NGEF: variants seen among roughly 807,000 people sequenced by gnomAD.
The protein encoded by NGEF is ephexin-1.
A neutral mutation model predicts 80.9 loss-of-function variants in NGEF; 31 were observed. The observed-to-expected ratio is 0.38, with a 90% CI of 0.29 to 0.52. The LOEUF is 0.52. Among genes scored for constraint, NGEF ranks in the 20% least tolerant of loss-of-function variants. NGEF has a pLI of 0.84. For synonymous variants in NGEF, 371 were observed against 370.2 expected, an observed-to-expected ratio of 1.00 and a Z score of -0.03; for missense variants, 709 against 926.2, an observed-to-expected ratio of 0.77 and a Z score of 3.04.
At chr2:233,004,795 A>C in intron 1 of NGEF, among the ~76,000 whole-genome samples, 1 of 148,884 alleles carries the variant, frequency 6.7e-6, no homozygotes, top group Non-Finnish European at 1.5e-5. Context: ...TCCCTTCCTC[A>C]TCCTGCTGGG....
At chr2:232,899,634 A>G (rs1692213891) in intron 5 of NGEF, among the ~76,000 whole-genome samples, 1 of 143,166 alleles carries the variant, frequency 7.0e-6, no homozygotes, top group South Asian at 2.3e-4. Flanking sequence ...TCTCACAGTC[A>G]CTCATATACA....
chr2:232,880,044 G>A (rs539277024), intron 14 of NGEF, among the ~76,000 whole-genome samples: 229 of 152,258 alleles, frequency 1.5e-3, no homozygotes, highest in Middle Eastern at 3.4e-3. Flanking sequence ...GGTGGCAGCC[G>A]AGCACGTGGT....
In NGEF at chr2:232,888,113, C is replaced by T; in HGVS notation, c.1273-6G>A. 1 of 1,582,166 alleles carries T rather than the reference C, an allele frequency of 6.3e-7. No individual in the cohort carries two copies. Among genetic ancestry groups the T allele is most frequent in the Non-Finnish European group, 8.6e-7 (1 of 1,168,006 alleles). On this transcript the variant is annotated splice_region_variant and splice_polypyrimidine_tract_variant and intron_variant, in intron 8 of 14. Coordinates refer to ENST00000264051, the MANE Select transcript of NGEF (RefSeq NM_019850.3). Reference sequence around the variant, plus strand: ...TCTACCCTCTTCAGGATGTTCTATGCACAGAGAAAGGCTGCGTTAACTTTA... The same window carrying T: ...TCTACCCTCTTCAGGATGTTCTATGTACAGAGAAAGGCTGCGTTAACTTTA...
chr2:232,960,175 T>G (rs908183220), intron 3 of NGEF, among the ~76,000 whole-genome samples: 9 of 152,236 alleles, frequency 5.9e-5, no homozygotes, highest in Non-Finnish European at 1.2e-4. Context: ...CCCCACATAT[T>G]TTAGATGTAG....
At chr2:232,894,201 C>T (rs1691982176) in intron 6 of NGEF, among the ~76,000 whole-genome samples, 1 of 152,214 alleles carries the variant, frequency 6.6e-6, no homozygotes, top group Non-Finnish European at 1.5e-5. Context: ...TCTGTCTACT[C>T]TTCCTCCGCT....
intron 3 of NGEF, among the ~76,000 whole-genome samples, chr2:232,967,417 C>T (rs1477760822): frequency 1.3e-5 from 2 of 152,132 alleles, no homozygotes; most frequent in East Asian, 1.9e-4. Flanking sequence ...TCACTGCAAC[C>T]TCCGCCTCCT....
chr2:232,973,659 G>T (rs1370695559), intron 2 of NGEF, among the ~76,000 whole-genome samples: 1 of 152,212 alleles, frequency 6.6e-6, no homozygotes, highest in African/African-American at 2.4e-5. Flanking sequence ...CCAGTTCACA[G>T]ACCACCAGAG....
At chr2:233,011,905 C>T (rs1055686854) in intron 1 of NGEF, among the ~76,000 whole-genome samples, 1 of 152,132 alleles carries the variant, frequency 6.6e-6, no homozygotes, top group African/African-American at 2.4e-5. Flanking sequence ...ACAATTTGGG[C>T]TCCAGAAAGG....
chr2:232,906,996 G>C (rs1338344778), intron 5 of NGEF, among the ~76,000 whole-genome samples: 137 of 146,156 alleles, frequency 9.4e-4, no homozygotes, highest in African/African-American at 2.5e-3. Context: ...TGCTCGTTAA[G>C]AGTCATCACC....
chr2:232,980,737 G>A (rs1694396455), intron 1 of NGEF, among the ~76,000 whole-genome samples: 1 of 152,088 alleles, frequency 6.6e-6, no homozygotes, highest in South Asian at 2.1e-4. Context: ...GACCTCAAGT[G>A]ATCCACCCAC....
chr2:232,879,422 C>CT lies in NGEF; in HGVS notation c.*66_*67insA. On this transcript the variant is annotated 3_prime_UTR_variant, in exon 15 of 15. Transcript: ENST00000264051. The stretch of plus-strand genomic sequence containing the variant: ...GGTGCTGGCCTGTGCTTCCCAGAGC[C>CT]CCCCCCCCCCCACCTTCTGTCGGGG... 1 of 205,054 alleles carries CT rather than the reference C, an allele frequency of 4.9e-6. No individual in the cohort carries two copies. The highest frequency in any genetic ancestry group is 5.2e-5 in the South Asian group (1 of 19,304). 12.7% of individuals were successfully genotyped at this position (205,054 alleles called of 1,614,324 possible).
intron 2 of NGEF, among the ~76,000 whole-genome samples, chr2:232,971,084 G>A (rs892414622): frequency 6.6e-6 from 1 of 152,146 alleles, no homozygotes; most frequent in African/African-American, 2.4e-5. Context: ...CCGGGGGTGG[G>A]ATTTTTAGGC....
chr2:232,905,355 C>T (rs570288522), intron 5 of NGEF, among the ~76,000 whole-genome samples: 20 of 152,288 alleles, frequency 1.3e-4, no homozygotes, highest in African/African-American at 4.1e-4. Context: ...CCGCCAGCCT[C>T]GGCCTCCCGA....
chr2:232,920,656 AAGG>A, intron 4 of NGEF, 71 bp from the exon 5 acceptor site: 1 of 1,431,574 alleles, frequency 7.0e-7, no homozygotes, highest in Non-Finnish European at 9.4e-7. Context: ...TCCCTAAGTC[AAGG>A]CTTCGTGTTC....
chr2:232,997,096 G>A (rs1419582473), intron 1 of NGEF, among the ~76,000 whole-genome samples: 1 of 152,142 alleles, frequency 6.6e-6, no homozygotes, highest in Non-Finnish European at 1.5e-5. Context: ...CTTGTAGGTG[G>A]TTTGCTCTCA....
chr2:232,928,224 C>T, intron 3 of NGEF: 2 of 944,500 alleles, frequency 2.1e-6, no homozygotes, highest in African/African-American at 1.8e-5. Flanking sequence ...GGGGCGCGCG[C>T]GGCGGGGGCG....
At chr2:232,984,087 C>T (rs1015040667) in intron 1 of NGEF, among the ~76,000 whole-genome samples, 1 of 152,130 alleles carries the variant, frequency 6.6e-6, no homozygotes, top group African/African-American at 2.4e-5. Flanking sequence ...ACAGAAATCA[C>T]TGAAATTAAT....
At chr2:232,948,570 T>C (rs1489648293) in intron 3 of NGEF, among the ~76,000 whole-genome samples, 3 of 152,182 alleles carry the variant, frequency 2.0e-5, no homozygotes, top group African/African-American at 7.2e-5. Flanking sequence ...GAGGAGTTAA[T>C]AGATTTTTGA....
In NGEF at chr2:232,986,886, A is replaced by T. The variant is rs573974347; in HGVS notation, c.-74-11922T>A. Among the ~76,000 whole-genome samples the T allele has an allele frequency of 3.3e-5, 5 of 152,358 alleles. No individual in the cohort carries two copies. In the South Asian group the frequency reaches 1.0e-3, roughly 32 times the overall value. ...ATTGTATACCTTGAACATATTCCAC[A>T]TTTGTCAATTAAATATCTTTAAAAA... On this transcript the variant is annotated intron_variant, in intron 1 of 14. Coordinates refer to ENST00000264051, the MANE Select transcript of NGEF (RefSeq NM_019850.3).
Sources: allele counts gnomAD v4.1 joint callset (sites outside exome capture counted in the v4.1 genomes callset), GRCh38; gene constraint gnomAD v4.1.1; transcripts MANE v1.5; gene names NCBI Gene and HGNC (gene_info 2026-07-23, HGNC 2026-07-21).